The following ZMIZ1 variants were observed in gnomAD, a reference collection of about 807,000 sequenced individuals.
The protein encoded by ZMIZ1 is zinc finger MIZ domain-containing protein 1.
In ZMIZ1, 17 loss-of-function variants were observed where a neutral mutation model predicts 113.9. That is an observed-to-expected ratio of 0.15 (90% CI 0.10 to 0.22). ZMIZ1 has a LOEUF of 0.22. Among genes scored for constraint, ZMIZ1 ranks in the 10% least tolerant of loss-of-function variants. The pLI is 1.00. For synonymous variants in ZMIZ1, 607 were observed against 603.1 expected (o/e 1.01, Z -0.09); for missense variants, 1,059 against 1,477.8 (o/e 0.72, Z 4.65).
In ZMIZ1 at chr10:79,074,180, G is replaced by A. The variant is rs143035424; in HGVS notation, c.-337+4910G>A. Among the ~76,000 whole-genome samples, 127 of 152,336 alleles carry A rather than the reference G, an allele frequency of 8.3e-4. 1 individual carries two copies. Among genetic ancestry groups the A allele is most frequent in the African/African-American group, 3.0e-3 (124 of 41,578 alleles). ...TAACAGAGCAGAAAACCAAGGTTCA[G>A]AGCGGTCAAACAACTGGTGGCAAAG... On this transcript the variant is annotated intron_variant, in intron 1 of 24. Transcript: ENST00000334512.
chr10:79,216,509 T>C (rs1339019466), intron 7 of ZMIZ1: 1 of 374,958 alleles, frequency 2.7e-6, no homozygotes, highest in Non-Finnish European at 4.9e-6. Context: ...CCAGAGAGGC[T>C]CCCGAGGCAC....
At chr10:79,297,323 C>G (rs962951949) in intron 13 of ZMIZ1, among the ~76,000 whole-genome samples, 1 of 152,222 alleles carries the variant, frequency 6.6e-6, no homozygotes, top group East Asian at 1.9e-4. Flanking sequence ...AAAAATCATG[C>G]TAATTTATTA....
At position 79,200,508 on chromosome 10, in the gene ZMIZ1, C is replaced by G. The variant is rs746582829; in HGVS notation, c.-49-1076C>G. On this transcript the variant is annotated intron_variant, in intron 4 of 24. Transcript: ENST00000334512. ...GCCCTGAGCACTCCCTTCTCCTGCA[C>G]TTCAGGAAGGGTGAGCCTAGTGCCA... Among the ~76,000 whole-genome samples, 63 of 152,240 alleles carry G rather than the reference C, an allele frequency of 4.1e-4. 2 individuals carry two copies. Among genetic ancestry groups the G allele is most frequent in the Non-Finnish European group, 3.7e-4 (25 of 68,036 alleles).
At chr10:79,100,846 G>A (rs1843342139) in intron 1 of ZMIZ1, among the ~76,000 whole-genome samples, 1 of 152,182 alleles carries the variant, frequency 6.6e-6, no homozygotes, top group East Asian at 1.9e-4. Context: ...TCCAAGTGCC[G>A]TGAGGGTGCC....
At chr10:79,074,616 TC>T (rs1364969237) in intron 1 of ZMIZ1, among the ~76,000 whole-genome samples, 3 of 152,232 alleles carry the variant, frequency 2.0e-5, no homozygotes, top group Admixed American at 2.0e-4. Context: ...CCAGTGCTCT[TC>T]CTTGGGTTCC....
In ZMIZ1 at chr10:79,144,505, G is replaced by C. The variant is rs200401201; in HGVS notation, c.-131+4728G>C. 9.5e-4 allele frequency among the ~76,000 whole-genome samples: 145 copies of C among 152,254 alleles called. No homozygotes were observed. The East Asian group carries it at 0.012, about 13-fold the overall frequency. ...CTGGCACCAGAAGCTCACCTGGCCTGTTTGTGTCCCCACCCCACCCCACAA... is the reference window on the plus strand; with the variant it reads ...CTGGCACCAGAAGCTCACCTGGCCTCTTTGTGTCCCCACCCCACCCCACAA... On this transcript the variant is annotated intron_variant, in intron 3 of 24. Transcript: ENST00000334512.
chr10:79,186,771 C>T (rs1192872934), intron 4 of ZMIZ1, among the ~76,000 whole-genome samples: 1 of 152,212 alleles, frequency 6.6e-6, no homozygotes, highest in Non-Finnish European at 1.5e-5. Flanking sequence ...TGGTGAGAGT[C>T]CTGCTTCATT....
chr10:79,273,233 G>A (rs931378723), intron 7 of ZMIZ1, among the ~76,000 whole-genome samples: 2 of 152,204 alleles, frequency 1.3e-5, no homozygotes, highest in African/African-American at 4.8e-5. Flanking sequence ...CTTGGCTGAC[G>A]GGGGGTGGTC....
At chr10:79,159,637 G>A (rs1226334012) in intron 3 of ZMIZ1, among the ~76,000 whole-genome samples, 1 of 152,204 alleles carries the variant, frequency 6.6e-6, no homozygotes, top group African/African-American at 2.4e-5. Context: ...ACCTCACAGC[G>A]TTTCACTGAG....
At position 79,312,695 on chromosome 10, in the gene ZMIZ1, C is replaced by T. The variant is rs780528321; in HGVS notation, c.3150C>T (p.Pro1050=). The part of the protein sequence containing the change: ...PDELLSYLDP[P]DLPSNSNDDL... Reference sequence around the variant, plus strand: ...AGCTCCTGTCTTATCTGGACCCCCCCGACCTGCCGAGCAATAGTAACGATG... The same window carrying T: ...AGCTCCTGTCTTATCTGGACCCCCCTGACCTGCCGAGCAATAGTAACGATG... Residue 1050 remains proline (P), a synonymous_variant, in exon 25 of 25, where the codon CCC becomes CCT. Coordinates refer to ENST00000334512, the MANE Select transcript of ZMIZ1 (RefSeq NM_020338.4). 17 of 1,614,136 alleles carry T rather than the reference C, an allele frequency of 1.1e-5. No individual in the cohort carries two copies. The highest frequency in any genetic ancestry group is 1.6e-4 in the Middle Eastern group (1 of 6,084).
At chr10:79,275,888 G>GA (rs930330993) in intron 7 of ZMIZ1, among the ~76,000 whole-genome samples, 5 of 151,560 alleles carry the variant, frequency 3.3e-5, no homozygotes, top group African/African-American at 4.8e-5. Flanking sequence ...AGATGGTCAA[G>GA]AAAAAAAAAG....
chr10:79,181,877 C>A (rs1336941181), intron 4 of ZMIZ1, among the ~76,000 whole-genome samples: 1 of 152,180 alleles, frequency 6.6e-6, no homozygotes, highest in Non-Finnish European at 1.5e-5. Flanking sequence ...ACCACAGCCA[C>A]CGCCCGGCTC....
chr10:79,195,633 A>C (rs1350398299), intron 4 of ZMIZ1, among the ~76,000 whole-genome samples: 1 of 152,210 alleles, frequency 6.6e-6, no homozygotes, highest in African/African-American at 2.4e-5. Context: ...GCTGGCCACC[A>C]GGTGCGTGTC....
chr10:79,266,089 A>C (rs994661203), intron 7 of ZMIZ1, among the ~76,000 whole-genome samples: 1 of 152,240 alleles, frequency 6.6e-6, no homozygotes, highest in East Asian at 1.9e-4. Context: ...CTTGGAGGCC[A>C]GGGCTGATTC....
intron 1 of ZMIZ1, among the ~76,000 whole-genome samples, chr10:79,082,772 A>T (rs1842697926): frequency 6.6e-6 from 1 of 152,210 alleles, no homozygotes; most frequent in Non-Finnish European, 1.5e-5. Context: ...GGGCTCCTCT[A>T]GACCTCTGCC....
intron 1 of ZMIZ1, among the ~76,000 whole-genome samples, chr10:79,105,906 C>T (rs759554433): frequency 1.3e-5 from 2 of 152,202 alleles, no homozygotes; most frequent in African/African-American, 4.8e-5. Context: ...TTGCCCTTCC[C>T]CTAAGTGCTC....
At chr10:79,202,189 G>GAAAAAAAAA (rs58021590) in intron 5 of ZMIZ1, among the ~76,000 whole-genome samples, 14 of 52,624 alleles carry the variant, frequency 2.7e-4, no homozygotes, top group Non-Finnish European at 3.4e-4. Flanking sequence ...CCCTGTCTCA[G>GAAAAAAAAA]AAAAAAAAAA....
At chr10:79,135,842 C>T in intron 2 of ZMIZ1, among the ~76,000 whole-genome samples, 1 of 152,230 alleles carries the variant, frequency 6.6e-6, no homozygotes, top group South Asian at 2.1e-4. Context: ...CAAAGGAAGA[C>T]TCAGTACAGC....
intron 7 of ZMIZ1, among the ~76,000 whole-genome samples, chr10:79,229,874 T>TGAGG (rs1849327189): frequency 6.6e-6 from 1 of 152,044 alleles, no homozygotes; most frequent in African/African-American, 2.4e-5. Flanking sequence ...GTTGGGACGG[T>TGAGG]GAGGGGATAG....
Sources: gnomAD v4.1 joint callset for allele counts (sites outside exome capture counted in the v4.1 genomes callset) on GRCh38, gnomAD v4.1.1 for gene constraint, MANE v1.5 for transcripts, NCBI Gene and HGNC (gene_info 2026-07-23, HGNC 2026-07-21) for gene names.